ELSPBP1: variants seen among roughly 807,000 people sequenced by gnomAD.
ELSPBP1 encodes the protein epididymal sperm-binding protein 1.
In ELSPBP1, 38 loss-of-function variants were observed where a neutral mutation model predicts 33.3. That is an observed-to-expected ratio of 1.14 (90% CI 0.88 to 1.50). The LOEUF is 1.50. Ranked by LOEUF, ELSPBP1 falls within the 40% of genes most tolerant of loss-of-function variation. The probability of loss-of-function intolerance (pLI) is 0.00; values close to 1 mark genes in which losing one functional copy is unlikely to be tolerated. For missense variants in ELSPBP1, 267 were observed against 263.5 expected, an observed-to-expected ratio of 1.01 and a Z score of -0.09; for synonymous variants, 85 against 94.1, an observed-to-expected ratio of 0.90 and a Z score of 0.56.
intron 1 of ELSPBP1, among the ~76,000 whole-genome samples, chr19:48,008,049 G>A (rs570764054): frequency 6.1e-4 from 93 of 152,212 alleles, no homozygotes; most frequent in African/African-American, 2.1e-3. Context: ...AGGCAATGTC[G>A]TCCTTGTGTG....
At chr19:48,000,712 T>TGGA (rs1966959183) in intron 1 of ELSPBP1, among the ~76,000 whole-genome samples, 1 of 152,196 alleles carries the variant, frequency 6.6e-6, no homozygotes, top group Non-Finnish European at 1.5e-5. Flanking sequence ...CTCCGAGCTG[T>TGGA]GCGTGTGTCC....
At chr19:48,021,847 A>G (rs1967203763) in intron 5 of ELSPBP1, among the ~76,000 whole-genome samples, 1 of 152,124 alleles carries the variant, frequency 6.6e-6, no homozygotes, top group African/African-American at 2.4e-5. Flanking sequence ...CCCAGGCTCC[A>G]GCAATCCTCC....
intron 6 of ELSPBP1, among the ~76,000 whole-genome samples, chr19:48,022,681 G>A (rs1426469832): frequency 2.0e-5 from 3 of 152,106 alleles, no homozygotes; most frequent in Admixed American, 2.0e-4. Flanking sequence ...TTTCAAGTCT[G>A]GGAGGCTTTG....
chr19:48,008,535 A>G (rs1967045247), intron 1 of ELSPBP1, 116 bp from the exon 2 acceptor site: 2 of 695,212 alleles, frequency 2.9e-6, no homozygotes, highest in Non-Finnish European at 4.9e-6. Context: ...TGCCTGGTCT[A>G]TTTTTTAAAT....
chr19:48,016,976 T>C (rs543950256), intron 4 of ELSPBP1, among the ~76,000 whole-genome samples: 81 of 152,176 alleles, frequency 5.3e-4, no homozygotes, highest in Non-Finnish European at 1.0e-3. Flanking sequence ...CAAAATTCAT[T>C]GAATGTCCTC....
intron 4 of ELSPBP1, among the ~76,000 whole-genome samples, chr19:48,016,683 C>A (rs1485966601): frequency 6.6e-6 from 1 of 151,856 alleles, no homozygotes; most frequent in Non-Finnish European, 1.5e-5. Flanking sequence ...ACTGCAACCT[C>A]TGCCTCCCAG....
intron 2 of ELSPBP1, among the ~76,000 whole-genome samples, chr19:48,009,642 G>A (rs1444017866): frequency 1.3e-5 from 2 of 152,114 alleles, no homozygotes; most frequent in East Asian, 1.9e-4. Context: ...TTATTCCAGA[G>A]ATTCCTAACC....
At chr19:48,023,429 AGGAAGGG>A (rs1967228410) in intron 6 of ELSPBP1, among the ~76,000 whole-genome samples, 1 of 114,306 alleles carries the variant, frequency 8.7e-6, no homozygotes, top group East Asian at 3.1e-4. Flanking sequence ...GGAGGGAAGG[AGGAAGGG>A]AGAAAGTAGG....
chr19:48,002,025 G>C (rs766482738), intron 1 of ELSPBP1, among the ~76,000 whole-genome samples: 2 of 152,074 alleles, frequency 1.3e-5, no homozygotes, highest in Non-Finnish European at 2.9e-5. Context: ...ATGCAACCTA[G>C]CATATTCGTG....
rs1443016949 is a variant in ELSPBP1 at position 48,008,757 on chromosome 19, C to A, written c.70+20C>A. 12 of 1,603,838 alleles carry A rather than the reference C, an allele frequency of 7.5e-6. No individual in the cohort carries two copies. Among genetic ancestry groups the A allele is most frequent in the Non-Finnish European group, 7.7e-6 (9 of 1,171,506 alleles). On this transcript the variant is annotated intron_variant, in intron 2 of 6. Transcript: ENST00000339841. The stretch of plus-strand genomic sequence containing the variant: ...GTGGAGGTAAGGACACTCAAAGCAA[C>A]AGGGAGGATTTAGAAGCTGGAGAAG...
intron 5 of ELSPBP1, among the ~76,000 whole-genome samples, chr19:48,021,165 A>G (rs1328855026): frequency 6.6e-6 from 1 of 152,192 alleles, no homozygotes; most frequent in Admixed American, 6.5e-5. Context: ...TGTCACTCAG[A>G]AAATTGATAC....
intron 4 of ELSPBP1, among the ~76,000 whole-genome samples, chr19:48,017,277 G>C (rs1054792972): frequency 6.6e-6 from 1 of 151,728 alleles, no homozygotes; most frequent in Non-Finnish European, 1.5e-5. Context: ...TCTTAATTCT[G>C]TTGTTCCCTT....
chr19:48,009,343 A>G (rs1443527029), intron 2 of ELSPBP1, among the ~76,000 whole-genome samples: 2 of 152,188 alleles, frequency 1.3e-5, no homozygotes, highest in East Asian at 1.9e-4. Flanking sequence ...TGCTCAGCAC[A>G]TGGTGGGGGT....
intron 6 of ELSPBP1, 56 bp downstream of exon 6, chr19:48,022,390 A>C: frequency 6.8e-7 from 1 of 1,468,574 alleles, no homozygotes; most frequent in Non-Finnish European, 9.2e-7. Context: ...AGACAGGTGC[A>C]CAACTGGTGT....
chr19:48,022,063 C>T, intron 5 of ELSPBP1, 107 bp from the exon 6 acceptor site: 2 of 1,064,726 alleles, frequency 1.9e-6, no homozygotes, highest in Non-Finnish European at 1.4e-6. Flanking sequence ...GCGCGAACCA[C>T]CACACTCAGC....
intron 1 of ELSPBP1, among the ~76,000 whole-genome samples, chr19:48,002,904 G>A (rs1442896369): frequency 6.6e-6 from 1 of 152,208 alleles, no homozygotes; most frequent in Non-Finnish European, 1.5e-5. Context: ...TCTGCTGCAT[G>A]TATAAGATCC....
intron 6 of ELSPBP1, among the ~76,000 whole-genome samples, chr19:48,023,532 G>GAAGGAAGAAAGGAAGTAAGT: frequency 9.2e-6 from 1 of 108,116 alleles, no homozygotes; most frequent in East Asian, 2.8e-4. Context: ...AGGAAGGGAG[G>GAAGGAAGAAAGGAAGTAAGT]AAGGAAAGAA....
At chr19:48,024,311 T>G (rs1467606423) in intron 6 of ELSPBP1, among the ~76,000 whole-genome samples, 1 of 152,148 alleles carries the variant, frequency 6.6e-6, no homozygotes, top group Non-Finnish European at 1.5e-5. Flanking sequence ...TTCTCCAGCC[T>G]GTAGAAATGG....
rs1308329067 is a variant in ELSPBP1 at position 48,014,157 on chromosome 19, C to T, written c.71-14C>T. On this transcript the variant is annotated splice_polypyrimidine_tract_variant and intron_variant, in intron 2 of 6. Coordinates refer to ENST00000339841, the MANE Select transcript of ELSPBP1 (RefSeq NM_022142.5). ...GATTCTTCCCCACTCCTGTTTTCTCCTTCTGCCCTTCAGGGATGCATGAGG... is the reference window on the plus strand; with the variant it reads ...GATTCTTCCCCACTCCTGTTTTCTCTTTCTGCCCTTCAGGGATGCATGAGG... 1.2e-6 allele frequency: 2 copies of T among 1,611,416 alleles called. No homozygotes were observed. The highest frequency in any genetic ancestry group is 1.3e-5 in the African/African-American group (1 of 74,848).
Sources: allele counts gnomAD v4.1 joint callset (sites outside exome capture counted in the v4.1 genomes callset), GRCh38; gene constraint gnomAD v4.1.1; transcripts MANE v1.5; gene names NCBI Gene and HGNC (gene_info 2026-07-23, HGNC 2026-07-21).